The following PRKG1 variants were observed in gnomAD, a reference collection of about 807,000 sequenced individuals.
PRKG1 encodes the protein cGMP-dependent protein kinase 1.
PRKG1 carries 35 observed loss-of-function variants against 88.1 expected under a neutral mutation model. The observed-to-expected ratio is 0.40, with a 90% CI of 0.30 to 0.53. The LOEUF is 0.53. Ranked by LOEUF, PRKG1 falls within the 20% of genes least tolerant of loss-of-function variation. PRKG1 has a pLI of 0.59. For synonymous variants in PRKG1, 303 were observed against 292.5 expected (o/e 1.04, Z -0.37); for missense variants, 540 against 839.8 (o/e 0.64, Z 4.41).
intron 2 of PRKG1, among the ~76,000 whole-genome samples, chr10:51,455,432 A>C (rs1195705830): frequency 1.3e-5 from 2 of 152,134 alleles, no homozygotes; most frequent in Non-Finnish European, 2.9e-5. Context: ...CTCCTCAAAA[A>C]ATGGGTTTTT....
At chr10:52,171,722 A>G (rs1024707660) in intron 9 of PRKG1, among the ~76,000 whole-genome samples, 3 of 12,624 alleles carry the variant, frequency 2.4e-4, no homozygotes, top group Admixed American at 1.5e-3. Flanking sequence ...TGCTTTTTTA[A>G]AAAAAAATGA....
Position 51,825,242 on chromosome 10 carries a change from A to G in PRKG1, c.698+20552A>G, listed in dbSNP as rs533194492. Among the ~76,000 whole-genome samples the G allele has an allele frequency of 4.5e-4, 68 of 152,300 alleles. No individual in the cohort carries two copies. In the South Asian group the frequency reaches 0.014, roughly 32 times the overall value. On this transcript the variant is annotated intron_variant, in intron 4 of 17. Coordinates refer to ENST00000373980, the MANE Select transcript of PRKG1 (RefSeq NM_006258.4). ...GGGCTAGAAATTAATTAGGCAAATT[A>G]ATAGAGACCAACTAAGTATTTTTAG...
intron 5 of PRKG1, among the ~76,000 whole-genome samples, chr10:51,979,207 A>G (rs1357408594): frequency 2.0e-5 from 3 of 151,956 alleles, no homozygotes; most frequent in Non-Finnish European, 2.9e-5. Flanking sequence ...TTCAGCATCT[A>G]TTGAGATCAT....
intron 1 of PRKG1, among the ~76,000 whole-genome samples, chr10:50,999,668 G>T (rs142166286): frequency 1.5e-4 from 23 of 152,242 alleles, no homozygotes; most frequent in African/African-American, 3.9e-4. Flanking sequence ...CAACTATATG[G>T]TACTGTTATT....
At chr10:51,388,131 C>T (rs991243549) in intron 2 of PRKG1, among the ~76,000 whole-genome samples, 2 of 152,002 alleles carry the variant, frequency 1.3e-5, no homozygotes, top group Admixed American at 1.3e-4. Flanking sequence ...ATTTTTGTTT[C>T]AAGCCATATA....
chr10:51,164,726 A>C (rs1417292907), intron 2 of PRKG1, among the ~76,000 whole-genome samples: 1 of 152,178 alleles, frequency 6.6e-6, no homozygotes, highest in Non-Finnish European at 1.5e-5. Flanking sequence ...GCTGAAAGCC[A>C]AGGCTCGAGA....
intron 4 of PRKG1, among the ~76,000 whole-genome samples, chr10:51,900,065 C>A (rs1020158861): frequency 6.6e-6 from 1 of 152,144 alleles, no homozygotes; most frequent in Non-Finnish European, 1.5e-5. Flanking sequence ...CATGCTTTTA[C>A]AGCCTGCAGA....
chr10:51,733,575 T>C (rs1273170327), intron 3 of PRKG1, among the ~76,000 whole-genome samples: 1 of 152,202 alleles, frequency 6.6e-6, no homozygotes, highest in African/African-American at 2.4e-5. Flanking sequence ...CCCTCAAGTA[T>C]CTTTAAGAGT....
chr10:52,077,009 A>G lies in PRKG1; in HGVS notation c.935+14378A>G, dbSNP rs11000710. On this transcript the variant is annotated intron_variant, in intron 7 of 17. Transcript: ENST00000373980. Reference sequence around the variant, plus strand: ...ACAGTTTGGCAGTTTTTTTTTTTTTAAAACTTAAACATATTACCTACCATC... The same window carrying G: ...ACAGTTTGGCAGTTTTTTTTTTTTTGAAACTTAAACATATTACCTACCATC... Among the ~76,000 whole-genome samples the G allele has an allele frequency of 6.7e-5, 10 of 148,378 alleles. No homozygotes were observed. In the South Asian group the frequency reaches 1.0e-3, roughly 15 times the overall value.
intron 8 of PRKG1, among the ~76,000 whole-genome samples, chr10:52,158,241 G>T (rs1223051888): frequency 6.6e-6 from 1 of 151,472 alleles, no homozygotes; most frequent in African/African-American, 2.4e-5. Context: ...AATATTTTCT[G>T]GTTTCTACTT....
At chr10:52,033,928 G>A (rs1845535678) in intron 5 of PRKG1, among the ~76,000 whole-genome samples, 1 of 151,418 alleles carries the variant, frequency 6.6e-6, no homozygotes, top group African/African-American at 2.4e-5. Context: ...CAGTCAAAGG[G>A]GGGTTGTTCT....
intron 3 of PRKG1, among the ~76,000 whole-genome samples, chr10:51,535,685 A>T (rs1200009415): frequency 2.0e-5 from 3 of 151,880 alleles, no homozygotes; most frequent in Non-Finnish European, 2.9e-5. Flanking sequence ...AAAATATATA[A>T]TTTTTTAAAG....
intron 2 of PRKG1, among the ~76,000 whole-genome samples, chr10:51,217,669 T>G (rs773574172): frequency 2.6e-5 from 4 of 152,154 alleles, no homozygotes; most frequent in Non-Finnish European, 5.9e-5. Context: ...GTACTTCTGT[T>G]TCTGGCCTTA....
At chr10:52,105,733 C>T (rs1234606088) in intron 7 of PRKG1, among the ~76,000 whole-genome samples, 2 of 151,944 alleles carry the variant, frequency 1.3e-5, no homozygotes, top group African/African-American at 4.8e-5. Context: ...AGGTATTAAG[C>T]TTAGTACTCT....
At chr10:51,346,609 A>C (rs1285909643) in intron 2 of PRKG1, among the ~76,000 whole-genome samples, 2 of 152,232 alleles carry the variant, frequency 1.3e-5, no homozygotes, top group African/African-American at 4.8e-5. Flanking sequence ...TCAGAATTAA[A>C]GGCAGAGTTA....
chr10:51,700,751 T>G (rs1184234260), intron 3 of PRKG1, among the ~76,000 whole-genome samples: 1 of 152,206 alleles, frequency 6.6e-6, no homozygotes, highest in East Asian at 1.9e-4. Context: ...CTAGTGTGAT[T>G]GAAGAAATGA....
chr10:51,819,468 T>A (rs1218412387), intron 4 of PRKG1, among the ~76,000 whole-genome samples: 1 of 152,106 alleles, frequency 6.6e-6, no homozygotes, highest in Admixed American at 6.5e-5. Context: ...CAAACTTCAT[T>A]ATGTCCATGT....
intron 3 of PRKG1, among the ~76,000 whole-genome samples, chr10:51,673,232 T>C (rs1311941330): frequency 6.6e-6 from 1 of 152,052 alleles, no homozygotes; most frequent in Non-Finnish European, 1.5e-5. Context: ...AAATAAAATA[T>C]GAAAGGTGGT....
chr10:51,628,816 G>C (rs527532930), intron 3 of PRKG1, among the ~76,000 whole-genome samples: 1 of 151,618 alleles, frequency 6.6e-6, no homozygotes, highest in African/African-American at 2.4e-5. Flanking sequence ...AAAATTAGCC[G>C]GGCGCGGTGG....
Sources: gnomAD v4.1 joint callset for allele counts (sites outside exome capture counted in the v4.1 genomes callset) on GRCh38, gnomAD v4.1.1 for gene constraint, MANE v1.5 for transcripts, NCBI Gene and HGNC (gene_info 2026-07-23, HGNC 2026-07-21) for gene names.